KCNMB3: variants seen among roughly 807,000 people sequenced by gnomAD.
KCNMB3 encodes the protein calcium-activated potassium channel subunit beta-3.
Under a neutral mutation model 11.9 loss-of-function variants are expected in KCNMB3, and 18 were observed. The observed-to-expected ratio is 1.51, with a 90% CI of 1.04 to 2.23. KCNMB3 has a LOEUF of 2.23. Ranked by LOEUF, KCNMB3 falls within the 30% of genes most tolerant of loss-of-function variation. The probability of loss-of-function intolerance (pLI) is 0.00; values close to 1 mark genes in which losing one functional copy is unlikely to be tolerated. For missense variants in KCNMB3, 247 were observed against 329.4 expected (o/e 0.75, Z 1.94); for synonymous variants, 78 against 119.2 (o/e 0.65, Z 2.25).
chr3:179,266,483 T>G (rs1726372173), intron 1 of KCNMB3, among the ~76,000 whole-genome samples: 2 of 152,176 alleles, frequency 1.3e-5, no homozygotes, highest in South Asian at 4.1e-4. Flanking sequence ...CCCCGTGATG[T>G]GAGTGCTACT....
intron 1 of KCNMB3, chr3:179,260,885 G>A: frequency 8.7e-7 from 1 of 1,149,860 alleles, no homozygotes; most frequent in Non-Finnish European, 1.3e-6. Context: ...AATGAAGTTT[G>A]TGTTTTCATT....
At chr3:179,244,111 C>A (rs3860523) in intron 2 of KCNMB3, among the ~76,000 whole-genome samples, 1 of 152,010 alleles carries the variant, frequency 6.6e-6, no homozygotes, top group Non-Finnish European at 1.5e-5. Flanking sequence ...GTGTAACTTA[C>A]TAAAATAAAA....
At chr3:179,254,620 C>T (rs1404091143), upstream of KCNMB3, among the ~76,000 whole-genome samples, 1 of 151,946 alleles carries the variant, frequency 6.6e-6, no homozygotes, top group African/African-American at 2.4e-5. Context: ...ACCATCCTGG[C>T]CTACATGGTG....
At chr3:179,259,093 T>G (rs1479232631) in intron 1 of KCNMB3, 6 of 1,600,376 alleles carry the variant, frequency 3.7e-6, no homozygotes, top group Non-Finnish European at 5.1e-6. Flanking sequence ...CTTTCTGGAT[T>G]GAAGTCCCCC....
At chr3:179,247,585 G>T (rs1478241112) in intron 1 of KCNMB3, among the ~76,000 whole-genome samples, 13 of 152,072 alleles carry the variant, frequency 8.5e-5, no homozygotes, top group Non-Finnish European at 1.9e-4. Context: ...GAGCTACAAA[G>T]TTGCCTCTGG....
At chr3:179,253,889 C>T (rs1297625680), upstream of KCNMB3, among the ~76,000 whole-genome samples, 2 of 152,054 alleles carry the variant, frequency 1.3e-5, no homozygotes, top group Non-Finnish European at 2.9e-5. Context: ...AAGTAACAGG[C>T]TTCTGTTTCA....
intron 1 of KCNMB3, chr3:179,261,064 G>T: frequency 9.4e-7 from 1 of 1,068,444 alleles, no homozygotes; most frequent in Non-Finnish European, 1.4e-6. Flanking sequence ...CTGCAGACGG[G>T]CCCAGCATGT....
chr3:179,246,425 T>G (rs1725645859), intron 1 of KCNMB3, among the ~76,000 whole-genome samples: 1 of 151,322 alleles, frequency 6.6e-6, no homozygotes, highest in African/African-American at 2.4e-5. Context: ...AAAAAAAAAG[T>G]AAGAATGTTC....
intron 1 of KCNMB3, chr3:179,261,145 CT>C: frequency 7.5e-7 from 1 of 1,337,818 alleles, no homozygotes; most frequent in Admixed American, 2.1e-5. Context: ...GCTCCAGCTC[CT>C]TCATGGGGAT....
At chr3:179,243,510 A>G (rs1725531705) in intron 2 of KCNMB3, among the ~76,000 whole-genome samples, 1 of 152,188 alleles carries the variant, frequency 6.6e-6, no homozygotes, top group African/African-American at 2.4e-5. Context: ...ATTCTTAGTT[A>G]TATGACATTG....
In KCNMB3 at chr3:179,250,882, C is replaced by T. The variant is rs762595441; in HGVS notation, c.109G>A (p.Asp37Asn). 2 of 1,614,006 alleles carry T rather than the reference C, an allele frequency of 1.2e-6. No individual in the cohort carries two copies. Among genetic ancestry groups the T allele is most frequent in the African/African-American group, 2.7e-5 (2 of 74,886 alleles). The change falls in exon 1 of 3, where the codon GAC (aspartate) becomes AAC (asparagine). Residue 37 changes from aspartate to asparagine, a missense_variant. Transcript: ENST00000392685. ...AGCCTCTTGTGCACATCTAGTGGGTCTCCATCACTGTAGTCTGTCTCTCTC... is the reference window on the plus strand; with the variant it reads ...AGCCTCTTGTGCACATCTAGTGGGTTTCCATCACTGTAGTCTGTCTCTCTC... ...KKRETDYSDG[D>N]PLDVHKRLPS...
At chr3:179,263,383 G>A (rs545048209) in intron 1 of KCNMB3, among the ~76,000 whole-genome samples, 65 of 152,302 alleles carry the variant, frequency 4.3e-4, no homozygotes, top group Admixed American at 1.1e-3. Context: ...TCCCGCCCGC[G>A]CCTCTCCCTC....
exon 1 of KCNMB3, chr3:179,266,713 GGCCA>G: frequency 6.2e-7 from 1 of 1,614,034 alleles, no homozygotes; most frequent in Non-Finnish European, 8.5e-7. Flanking sequence ...GGCTGCATGA[GGCCA>G]GGGGTCTGAG....
In KCNMB3 at chr3:179,260,329, G is replaced by C. The variant is rs1726162791; in HGVS notation, c.62+6320C>G. The C allele has an allele frequency of 3.7e-6, 6 of 1,613,936 alleles. No individual in the cohort carries two copies. In the Admixed American group the frequency reaches 1.0e-4, roughly 27 times the overall value. ...GAAGCGCTCTCAAGAATTTGGCTTT[G>C]AACCTGTTCCTCATAGGTAGCACCT... is the stretch of plus-strand genomic sequence containing the variant. On this transcript the variant is annotated intron_variant, in intron 1 of 3. Coordinates refer to the KCNMB3 transcript ENST00000349697.
At chr3:179,247,473 C>A (rs1340680866) in intron 1 of KCNMB3, among the ~76,000 whole-genome samples, 2 of 151,524 alleles carry the variant, frequency 1.3e-5, no homozygotes, top group Non-Finnish European at 2.9e-5. Flanking sequence ...CTAGCCTGGA[C>A]AACATAGTGA....
In KCNMB3 at chr3:179,261,755, T is replaced by C. The variant is rs111919523; in HGVS notation, c.62+4894A>G. Among the ~76,000 whole-genome samples the C allele has an allele frequency of 3.1e-3, 471 of 152,310 alleles. 1 individual carries two copies. The highest frequency in any genetic ancestry group is 0.011 in the African/African-American group (439 of 41,566). ...TAGTTCCCAGTCTGCCACACAATCA[T>C]GAGGGTAAATAGCTAATACTCTGAA... On this transcript the variant is annotated intron_variant, in intron 1 of 3. Transcript: ENST00000349697.
chr3:179,259,970 A>T, intron 1 of KCNMB3: 1 of 1,612,424 alleles, frequency 6.2e-7, no homozygotes, highest in Non-Finnish European at 8.5e-7. Context: ...CTGCTTCTGT[A>T]CTCTGCACTG....
chr3:179,264,026 G>A (rs1324430813), intron 1 of KCNMB3, among the ~76,000 whole-genome samples: 1 of 151,800 alleles, frequency 6.6e-6, no homozygotes, highest in African/African-American at 2.4e-5. Context: ...GGCTAGTCTC[G>A]AAATCTTGAC....
chr3:179,242,437 A>T (rs1220228825), downstream of KCNMB3: 2 of 152,006 alleles, frequency 1.3e-5, no homozygotes, highest in Admixed American at 6.6e-5. Context: ...TGTTAGCTCC[A>T]TGTTTTCTTA....
Sources: gnomAD v4.1 joint callset for allele counts (sites outside exome capture counted in the v4.1 genomes callset) on GRCh38, gnomAD v4.1.1 for gene constraint, MANE v1.5 for transcripts, NCBI Gene and HGNC (gene_info 2026-07-23, HGNC 2026-07-21) for gene names.